RNLS: variants seen among roughly 807,000 people sequenced by gnomAD.
The protein encoded by RNLS is renalase.
In RNLS, 39 loss-of-function variants were observed where a neutral mutation model predicts 39.8. That is an observed-to-expected ratio of 0.98 (90% CI 0.76 to 1.28). The LOEUF (loss-of-function observed/expected upper bound fraction) is 1.28. RNLS is among the 50% of genes most tolerant of loss of function. The pLI is 0.00. For synonymous variants in RNLS, 147 were observed against 150.7 expected (o/e 0.98, Z 0.18); for missense variants, 410 against 413.3 (o/e 0.99, Z 0.07).
At chr10:88,320,153 A>C (rs958867199) in intron 5 of RNLS, among the ~76,000 whole-genome samples, 3 of 138,898 alleles carry the variant, frequency 2.2e-5, no homozygotes, top group African/African-American at 8.5e-5. Flanking sequence ...TCTCTAAAGG[A>C]AAAAAAAAAA....
the RNLS span, among the ~76,000 whole-genome samples, chr10:88,242,399 G>A: frequency 1.3e-5 from 2 of 152,142 alleles, no homozygotes; most frequent in East Asian, 1.9e-4. Flanking sequence ...GTTGCATAAT[G>A]TTTTCCTCAT....
At chr10:88,359,884 T>C (rs1849504197) in intron 5 of RNLS, among the ~76,000 whole-genome samples, 1 of 152,230 alleles carries the variant, frequency 6.6e-6, no homozygotes, top group African/African-American at 2.4e-5. Flanking sequence ...CTGCTATTTC[T>C]TTCCTTCCTG....
intron 6 of RNLS, among the ~76,000 whole-genome samples, chr10:88,311,632 A>T (rs944826711): frequency 6.6e-6 from 1 of 152,222 alleles, no homozygotes; most frequent in African/African-American, 2.4e-5. Flanking sequence ...AGAATGCACC[A>T]TTAGCTTGCC....
intron 4 of RNLS, among the ~76,000 whole-genome samples, chr10:88,572,437 A>G (rs1342503625): frequency 6.6e-6 from 1 of 152,148 alleles, no homozygotes; most frequent in Non-Finnish European, 1.5e-5. Flanking sequence ...AAATTTACTC[A>G]TCCCCTCTCA....
chr10:88,485,846 T>C (rs1564839321), intron 4 of RNLS, among the ~76,000 whole-genome samples: 2 of 152,002 alleles, frequency 1.3e-5, no homozygotes. Flanking sequence ...ATGGAAATCT[T>C]GACACTGAAA....
At chr10:88,279,665 A>T (rs1284125353), downstream of RNLS, among the ~76,000 whole-genome samples, 3 of 152,206 alleles carry the variant, frequency 2.0e-5, no homozygotes, top group Non-Finnish European at 2.9e-5. Flanking sequence ...TCGGAGATTC[A>T]CTAATCTTCA....
At position 88,366,505 on chromosome 10, in the gene RNLS, G is replaced by T. The variant is rs538133235; in HGVS notation, c.527-3780C>A. 2.6e-5 allele frequency among the ~76,000 whole-genome samples: 4 copies of T among 151,686 alleles called. No individual in the cohort carries two copies. The East Asian group carries it at 7.8e-4, about 29-fold the overall frequency. ...GTATATACTCTTAAATAAAAATTAT[G>T]AGAGGCTATTGATTTGGGCTAAGAT... On this transcript the variant is annotated intron_variant, in intron 4 of 6. Transcript: ENST00000331772.
chr10:88,419,583 C>A (rs552574170), intron 4 of RNLS, among the ~76,000 whole-genome samples: 1 of 152,166 alleles, frequency 6.6e-6, no homozygotes, highest in East Asian at 1.9e-4. Context: ...AAAGATGTAA[C>A]AATCAGAAGG....
At chr10:88,547,384 T>C (rs967159058) in intron 4 of RNLS, among the ~76,000 whole-genome samples, 4 of 152,190 alleles carry the variant, frequency 2.6e-5, no homozygotes, top group African/African-American at 9.7e-5. Flanking sequence ...AAGTATTTCT[T>C]CAAATATTCT....
intron 4 of RNLS, among the ~76,000 whole-genome samples, chr10:88,559,397 T>C (rs1414617529): frequency 6.6e-6 from 1 of 152,134 alleles, no homozygotes; most frequent in African/African-American, 2.4e-5. Flanking sequence ...TTCAGTATTT[T>C]TGATGAACTA....
chr10:88,255,606 T>C, the RNLS span, among the ~76,000 whole-genome samples: 1 of 152,184 alleles, frequency 6.6e-6, no homozygotes, highest in Non-Finnish European at 1.5e-5. Context: ...TCAACCTAAG[T>C]AAAGCAAATG....
intron 4 of RNLS, among the ~76,000 whole-genome samples, chr10:88,560,321 G>A (rs1156673532): frequency 1.3e-5 from 2 of 150,504 alleles, no homozygotes; most frequent in Non-Finnish European, 3.0e-5. Context: ...TAAAGCTGGG[G>A]ACAAAAAAAA....
chr10:88,480,322 G>T (rs575573924), intron 4 of RNLS, among the ~76,000 whole-genome samples: 1 of 152,176 alleles, frequency 6.6e-6, no homozygotes, highest in South Asian at 2.1e-4. Context: ...TACCCCTTAG[G>T]GGAAATCTTT....
At chr10:88,304,479 G>C (rs980220829) in intron 6 of RNLS, among the ~76,000 whole-genome samples, 1 of 152,010 alleles carries the variant, frequency 6.6e-6, no homozygotes, top group Admixed American at 6.6e-5. Context: ...CAAAATAATT[G>C]GTATAGAAAA....
chr10:88,582,805 G>C (rs897911937), intron 1 of RNLS, among the ~76,000 whole-genome samples: 9 of 152,294 alleles, frequency 5.9e-5, no homozygotes, highest in South Asian at 4.1e-4. Flanking sequence ...GCTGTCTCAG[G>C]TCTCCCTCTG....
At chr10:88,446,851 G>A (rs1240764580) in intron 4 of RNLS, among the ~76,000 whole-genome samples, 2 of 152,144 alleles carry the variant, frequency 1.3e-5, no homozygotes, top group East Asian at 3.8e-4. Flanking sequence ...ATGCAAGGCT[G>A]GTTCAACATA....
At chr10:88,392,721 A>C (rs1852282310) in intron 4 of RNLS, among the ~76,000 whole-genome samples, 1 of 152,210 alleles carries the variant, frequency 6.6e-6, no homozygotes, top group South Asian at 2.1e-4. Flanking sequence ...ATTTTTTAAA[A>C]TGTAGTTTCA....
At chr10:88,422,877 C>T (rs1044766960) in intron 4 of RNLS, among the ~76,000 whole-genome samples, 2 of 152,032 alleles carry the variant, frequency 1.3e-5, no homozygotes, top group Non-Finnish European at 2.9e-5. Flanking sequence ...AATCCTCCCG[C>T]CTCAGCCTCC....
the RNLS span, among the ~76,000 whole-genome samples, chr10:88,219,854 T>G: frequency 2.6e-5 from 4 of 152,236 alleles, no homozygotes; most frequent in African/African-American, 9.6e-5. Context: ...TCTCCTCTTA[T>G]GAATGTTACT....
Sources: gnomAD v4.1 joint callset for allele counts (sites outside exome capture counted in the v4.1 genomes callset) on GRCh38, gnomAD v4.1.1 for gene constraint, MANE v1.5 for transcripts, NCBI Gene and HGNC (gene_info 2026-07-23, HGNC 2026-07-21) for gene names.